Variants in PHTF1 observed in about 807,000 individuals in gnomAD.
PHTF1 encodes putative homeodomain transcription factor 1.
In PHTF1, 88 loss-of-function variants were observed where a neutral mutation model predicts 102.4. The ratio of observed to expected loss-of-function variants is 0.86; its 90% CI spans 0.72 to 1.03. The LOEUF is 1.03. Ranked by LOEUF, PHTF1 falls within the 50% of genes least tolerant of loss-of-function variation. The pLI, the probability that PHTF1 is intolerant of heterozygous loss-of-function variation, is 0.00. For missense variants in PHTF1, 814 were observed against 909.5 expected (o/e 0.89, Z 1.35); for synonymous variants, 289 against 305.2 (o/e 0.95, Z 0.55).
Position 113,712,010 on chromosome 1 carries a change from C to G in PHTF1, c.887G>C (p.Gly296Ala), listed in dbSNP as rs759693099. ...QMILLRRSVE[G>A]ASSDNGCEVK... ...TTCACAACCATTGTCACTTGAGGCC[C>G]CTTCCACACTCCTACGCAATAATAT... Residue 296 changes from glycine (G) to alanine (A), a missense_variant, in exon 9 of 19, where the codon GGG (glycine) becomes GCG (alanine). Coordinates refer to ENST00000369604, the MANE Select transcript of PHTF1 (RefSeq NM_001323043.2). 3.0e-5 allele frequency: 49 copies of G among 1,613,756 alleles called. No individual in the cohort carries two copies. Among genetic ancestry groups the G allele is most frequent in the Non-Finnish European group, 4.1e-5 (48 of 1,179,824 alleles).
intron 7 of PHTF1, chr1:113,714,607 C>T (rs1387156910): frequency 6.6e-6 from 1 of 152,276 alleles, no homozygotes; most frequent in Non-Finnish European, 1.5e-5. Context: ...GTGAGCTCAG[C>T]TGCTGTAGAA....
At chr1:113,744,457 A>G (rs1656892697) in intron 3 of PHTF1, among the ~76,000 whole-genome samples, 1 of 152,200 alleles carries the variant, frequency 6.6e-6, no homozygotes, top group Non-Finnish European at 1.5e-5. Context: ...TGGTGCAGAG[A>G]GGGAAGTTAC....
Position 113,738,202 on chromosome 1 carries a change from C to G in PHTF1, c.239G>C (p.Arg80Pro). ...WTSLTRKGLV[R>P]VVFFPLFSNW... ...GCTGAACAATGGAAAAAATACAACT[C>G]GAACAAGCCCCTTCCGAGTCAGAGA... Residue 80 changes from arginine (R) to proline (P), a missense_variant, in exon 5 of 19, where the codon CGA becomes CCA. Arg to Pro is a moderately radical substitution (Grantham distance 103). Transcript: ENST00000369604. 3 of 1,613,738 alleles carry G rather than the reference C, an allele frequency of 1.9e-6. No homozygotes were observed. The highest frequency in any genetic ancestry group is 2.5e-6 in the Non-Finnish European group (3 of 1,179,650).
intron 5 of PHTF1, among the ~76,000 whole-genome samples, chr1:113,728,482 C>T (rs918564059): frequency 2.6e-5 from 4 of 152,152 alleles, no homozygotes; most frequent in Non-Finnish European, 5.9e-5. Context: ...GAAAAGGGAA[C>T]CCCCGTACAC....
chr1:113,716,631 T>C (rs1293388405), intron 7 of PHTF1, among the ~76,000 whole-genome samples: 5 of 152,298 alleles, frequency 3.3e-5, no homozygotes, highest in African/African-American at 9.6e-5. Flanking sequence ...ATTATAGGCC[T>C]GAGCCACTAT....
At chr1:113,730,653 G>A (rs1654500577) in intron 5 of PHTF1, among the ~76,000 whole-genome samples, 1 of 152,158 alleles carries the variant, frequency 6.6e-6, no homozygotes, top group Non-Finnish European at 1.5e-5. Context: ...TAAACCAATA[G>A]CTTTCAAATG....
chr1:113,733,946 G>C (rs754251163), intron 5 of PHTF1, among the ~76,000 whole-genome samples: 1 of 152,142 alleles, frequency 6.6e-6, no homozygotes, highest in Non-Finnish European at 1.5e-5. Flanking sequence ...TTTTAAAAGA[G>C]ATTCTGGTGA....
At position 113,706,701 on chromosome 1, in the gene PHTF1, T is replaced by C; in HGVS notation, c.1291A>G (p.Asn431Asp). 6.2e-7 allele frequency: 1 copy of C among 1,607,320 alleles called. No homozygotes were observed. Among genetic ancestry groups the C allele is most frequent in the East Asian group, 2.2e-5 (1 of 44,772 alleles). ...FQQNHLFWLQ[N>D]SSPSSDRVSA... is the part of the protein sequence containing the mutation. Reference sequence around the variant, plus strand: ...ACTCGATCAGAGGAAGGACTTGAATTCTGAAGCCAGAATAAATGATTCTGA... The same window carrying C: ...ACTCGATCAGAGGAAGGACTTGAATCCTGAAGCCAGAATAAATGATTCTGA... The change falls in exon 12 of 19, where the codon AAT becomes GAT. Residue 431 changes from asparagine to aspartate, a missense_variant. Asn to Asp is a conservative substitution (Grantham distance 23). Coordinates refer to ENST00000369604, the MANE Select transcript of PHTF1 (RefSeq NM_001323043.2).
At chr1:113,722,426 G>A (rs560547906) in intron 7 of PHTF1, among the ~76,000 whole-genome samples, 7 of 151,972 alleles carry the variant, frequency 4.6e-5, no homozygotes, top group East Asian at 3.9e-4. Flanking sequence ...GCGATAGAGC[G>A]AGACTCTGTC....
chr1:113,718,790 C>A (rs1008457754), intron 7 of PHTF1, among the ~76,000 whole-genome samples: 4 of 152,200 alleles, frequency 2.6e-5, no homozygotes, highest in African/African-American at 9.6e-5. Context: ...CAAGGCTGCA[C>A]ACAGCATGGG....
At chr1:113,757,237 C>T (rs1659027922) in intron 3 of PHTF1, among the ~76,000 whole-genome samples, 1 of 151,994 alleles carries the variant, frequency 6.6e-6, no homozygotes, top group South Asian at 2.1e-4. Context: ...AAATGGGGGA[C>T]CATAGGCTGG....
chr1:113,701,395 C>T (rs943328760), intron 15 of PHTF1, among the ~76,000 whole-genome samples: 2 of 152,140 alleles, frequency 1.3e-5, no homozygotes, highest in African/African-American at 4.8e-5. Flanking sequence ...ATAGCAGCAG[C>T]AACTACCATT....
chr1:113,729,241 CAG>C (rs1654278089), intron 5 of PHTF1, among the ~76,000 whole-genome samples: 1 of 152,082 alleles, frequency 6.6e-6, no homozygotes, highest in South Asian at 2.1e-4. Context: ...CTCAAGGAGA[CAG>C]AGAGTAGAAG....
chr1:113,757,254 G>C (rs1268252046), intron 3 of PHTF1, among the ~76,000 whole-genome samples: 4 of 152,162 alleles, frequency 2.6e-5, no homozygotes, highest in Non-Finnish European at 5.9e-5. Context: ...CTGGATTCAG[G>C]CCACAAATGG....
rs937064389 is a variant in PHTF1 at position 113,725,416 on chromosome 1, A to T, written c.489-523T>A. 5.3e-5 allele frequency: 8 copies of T among 152,344 alleles called. 1 individual carries two copies. In the South Asian group the frequency reaches 1.7e-3, roughly 32 times the overall value. 9.4% of individuals were successfully genotyped at this position (152,344 alleles called of 1,614,324 possible). The stretch of plus-strand genomic sequence containing the variant: ...TGAATTTACAAGAAATCTTTTTTAA[A>T]AAGTTTTTAAAATAACATTCAAAAA... On this transcript the variant is annotated intron_variant, in intron 6 of 18. Transcript: ENST00000369604.
intron 17 of PHTF1, chr1:113,699,317 T>TAA: frequency 3.2e-6 from 1 of 309,282 alleles, no homozygotes; most frequent in Non-Finnish European, 6.2e-6. Flanking sequence ...GCCCCATGGA[T>TAA]GGTGCTGGCT....
chr1:113,738,330 G>T, intron 4 of PHTF1, 62 bp from the exon 5 acceptor site: 1 of 1,250,614 alleles, frequency 8.0e-7, no homozygotes, highest in Non-Finnish European at 1.1e-6. Flanking sequence ...AAGGCCACCT[G>T]TAGCACTACA....
intron 7 of PHTF1, among the ~76,000 whole-genome samples, chr1:113,721,800 C>T (rs954311197): frequency 2.0e-5 from 3 of 152,070 alleles, no homozygotes; most frequent in African/African-American, 7.2e-5. Flanking sequence ...TGCCATTCTG[C>T]TGTCTCAGCC....
intron 3 of PHTF1, among the ~76,000 whole-genome samples, chr1:113,749,279 T>A (rs1390558145): frequency 2.0e-5 from 3 of 152,252 alleles, no homozygotes; most frequent in African/African-American, 4.8e-5. Context: ...CCATTTATAA[T>A]TAACAGTCAC....
Sources: allele counts gnomAD v4.1 joint callset (sites outside exome capture counted in the v4.1 genomes callset), GRCh38; gene constraint gnomAD v4.1.1; transcripts MANE v1.5; gene names NCBI Gene and HGNC (gene_info 2026-07-23, HGNC 2026-07-21).